Variants in CDK14 observed in about 807,000 individuals in gnomAD.
CDK14 encodes cyclin-dependent kinase 14.
CDK14 carries 34 observed loss-of-function variants against 60.7 expected under a neutral mutation model. The observed-to-expected ratio is 0.56, with a 90% CI of 0.43 to 0.75. The LOEUF (loss-of-function observed/expected upper bound fraction) is 0.75, where lower values mean the gene tolerates loss of function less well. CDK14 is among the 30% of genes least tolerant of loss of function. CDK14 has a pLI of 0.00. For synonymous variants in CDK14, 197 were observed against 203.7 expected, an observed-to-expected ratio of 0.97 and a Z score of 0.28; for missense variants, 482 against 564.1, an observed-to-expected ratio of 0.85 and a Z score of 1.47.
intron 14 of CDK14, among the ~76,000 whole-genome samples, chr7:91,198,928 C>T (rs1045567002): frequency 3.3e-5 from 5 of 152,154 alleles, no homozygotes; most frequent in African/African-American, 1.2e-4. Context: ...CCTTGTGTTT[C>T]TCTATTAAAT....
At chr7:90,721,155 A>G (rs1474870297) in intron 2 of CDK14, among the ~76,000 whole-genome samples, 2 of 152,088 alleles carry the variant, frequency 1.3e-5, no homozygotes, top group South Asian at 2.1e-4. Flanking sequence ...GTCTGCTGCC[A>G]TTGGAACATG....
chr7:90,998,417 T>C (rs1484223232), intron 10 of CDK14, among the ~76,000 whole-genome samples: 1 of 152,180 alleles, frequency 6.6e-6, no homozygotes, highest in African/African-American at 2.4e-5. Flanking sequence ...AATAGTAAGA[T>C]TGTCCTTTCA....
chr7:91,103,817 A>G (rs890265316), intron 12 of CDK14, among the ~76,000 whole-genome samples: 12 of 151,752 alleles, frequency 7.9e-5, no homozygotes, highest in African/African-American at 2.9e-4. Flanking sequence ...AAAAAACTGC[A>G]AGGAGACCGA....
intron 10 of CDK14, among the ~76,000 whole-genome samples, chr7:91,031,303 A>C (rs911524964): frequency 6.6e-6 from 1 of 152,170 alleles, no homozygotes; most frequent in African/African-American, 2.4e-5. Flanking sequence ...TCATGAGCAG[A>C]AACCCATAAA....
chr7:90,753,500 G>A (rs1000356225), intron 4 of CDK14, among the ~76,000 whole-genome samples: 12 of 152,080 alleles, frequency 7.9e-5, no homozygotes, highest in African/African-American at 1.7e-4. Context: ...AATAATAAGA[G>A]CCACCTATGA....
intron 2 of CDK14, among the ~76,000 whole-genome samples, chr7:90,672,502 GTTTTTTTTTTTTTTT>G (rs201978996): frequency 8.2e-4 from 41 of 49,996 alleles, no homozygotes; most frequent in African/African-American, 1.4e-3. Context: ...TTCTTCTTCT[GTTTTTTTTTTTTTTT>G]TTTTTTTTTT....
chr7:90,935,100 A>G (rs1451998137), intron 8 of CDK14, among the ~76,000 whole-genome samples: 2 of 152,226 alleles, frequency 1.3e-5, no homozygotes, highest in Non-Finnish European at 2.9e-5. Flanking sequence ...GGCAGCAGGT[A>G]GAAGGACAAG....
At chr7:91,157,595 T>A (rs1801020125) in intron 14 of CDK14, among the ~76,000 whole-genome samples, 1 of 152,196 alleles carries the variant, frequency 6.6e-6, no homozygotes, top group Admixed American at 6.5e-5. Flanking sequence ...TTTGAAAGCT[T>A]CTCTGACAGG....
chr7:91,200,133 A>G (rs1410722894), intron 14 of CDK14, among the ~76,000 whole-genome samples: 1 of 152,208 alleles, frequency 6.6e-6, no homozygotes, highest in Non-Finnish European at 1.5e-5. Flanking sequence ...ATTATAACAC[A>G]TTAAATTCAC....
At chr7:91,151,780 G>T (rs1800834942) in intron 14 of CDK14, among the ~76,000 whole-genome samples, 1 of 152,174 alleles carries the variant, frequency 6.6e-6, no homozygotes, top group Non-Finnish European at 1.5e-5. Flanking sequence ...ACAGAATTCA[G>T]TGGTAGCTAA....
At chr7:90,825,660 A>G (rs1256909766) in intron 5 of CDK14, among the ~76,000 whole-genome samples, 1 of 152,232 alleles carries the variant, frequency 6.6e-6, no homozygotes, top group Non-Finnish European at 1.5e-5. Context: ...TGTTATGCAA[A>G]TTATACGAAA....
intron 14 of CDK14, among the ~76,000 whole-genome samples, chr7:91,182,045 T>C (rs2115884368): frequency 6.6e-6 from 1 of 152,262 alleles, no homozygotes; most frequent in South Asian, 2.1e-4. Flanking sequence ...ATAATTCAAA[T>C]TCAAGATTAT....
chr7:90,737,661 C>T (rs560590411), intron 3 of CDK14, among the ~76,000 whole-genome samples: 1 of 152,296 alleles, frequency 6.6e-6, no homozygotes, highest in African/African-American at 2.4e-5. Flanking sequence ...TGTAATAGGG[C>T]TATCAATGCT....
chr7:90,798,614 G>A (rs554368438), intron 5 of CDK14, among the ~76,000 whole-genome samples: 1 of 152,318 alleles, frequency 6.6e-6, no homozygotes, highest in East Asian at 1.9e-4. Context: ...GCACAGTAAA[G>A]TAGTTTGTAA....
chr7:90,891,726 A>T (rs142862356), intron 6 of CDK14, among the ~76,000 whole-genome samples: 1 of 152,212 alleles, frequency 6.6e-6, no homozygotes, highest in Non-Finnish European at 1.5e-5. Flanking sequence ...GCTATTTTCA[A>T]TGTCACATTT....
chr7:90,911,918 T>A (rs1792915253), intron 7 of CDK14, among the ~76,000 whole-genome samples: 1 of 152,192 alleles, frequency 6.6e-6, no homozygotes, highest in African/African-American at 2.4e-5. Flanking sequence ...AAGAAGTATA[T>A]GCCATGGCAC....
intron 14 of CDK14, among the ~76,000 whole-genome samples, chr7:91,172,035 G>C (rs770005313): frequency 1.3e-5 from 2 of 152,174 alleles, no homozygotes; most frequent in Non-Finnish European, 2.9e-5. Context: ...GTTGTGTGCA[G>C]TCCACAAATT....
intron 11 of CDK14, among the ~76,000 whole-genome samples, chr7:91,046,402 C>T (rs1229667835): frequency 1.3e-5 from 2 of 152,078 alleles, no homozygotes; most frequent in Non-Finnish European, 2.9e-5. Flanking sequence ...TGAGTTTAAA[C>T]ATGTAAGATG....
intron 13 of CDK14, among the ~76,000 whole-genome samples, chr7:91,114,847 ATGT>A (rs1220553999): frequency 6.6e-6 from 1 of 152,198 alleles, no homozygotes; most frequent in African/African-American, 2.4e-5. Context: ...ACTTGTAAAC[ATGT>A]TTACAAAACA....
Sources: gnomAD v4.1 joint callset for allele counts (sites outside exome capture counted in the v4.1 genomes callset) on GRCh38, gnomAD v4.1.1 for gene constraint, MANE v1.5 for transcripts, NCBI Gene and HGNC (gene_info 2026-07-23, HGNC 2026-07-21) for gene names.